SORBS2: variants seen among roughly 807,000 people sequenced by gnomAD.
SORBS2 encodes sorbin and SH3 domain-containing protein 2.
A neutral mutation model predicts 97.7 loss-of-function variants in SORBS2; 46 were observed. That is an observed-to-expected ratio of 0.47 (90% CI 0.37 to 0.60). SORBS2 has a LOEUF of 0.60. SORBS2 is among the 20% of genes least tolerant of loss of function. SORBS2 has a pLI of 0.00. For missense variants in SORBS2, 1,316 were observed against 1,282.3 expected, an observed-to-expected ratio of 1.03 and a Z score of -0.40; for synonymous variants, 476 against 473.4, an observed-to-expected ratio of 1.01 and a Z score of -0.07.
intron 2 of SORBS2, among the ~76,000 whole-genome samples, chr4:185,749,434 C>A (rs549732379): frequency 6.6e-6 from 1 of 151,202 alleles, no homozygotes; most frequent in South Asian, 2.1e-4. Context: ...ATAGAGTCGT[C>A]ATTTTGTATT....
chr4:185,605,736 C>G (rs777307790), intron 12 of SORBS2, among the ~76,000 whole-genome samples: 10 of 152,282 alleles, frequency 6.6e-5, no homozygotes, highest in African/African-American at 1.7e-4. Context: ...AGGCACCCAC[C>G]ACCACGCCTG....
At chr4:185,853,478 G>T (rs1025386447) in intron 1 of SORBS2, among the ~76,000 whole-genome samples, 1 of 152,124 alleles carries the variant, frequency 6.6e-6, no homozygotes, top group African/African-American at 2.4e-5. Flanking sequence ...TCACACGGGG[G>T]CCAATTAGGG....
chr4:185,804,189 C>A (rs1053039251), intron 1 of SORBS2, among the ~76,000 whole-genome samples: 9 of 152,190 alleles, frequency 5.9e-5, no homozygotes, highest in Non-Finnish European at 1.5e-5. Context: ...GATATGTAGA[C>A]CAGATCAGTT....
At chr4:185,789,127 C>T (rs531595896) in intron 1 of SORBS2, among the ~76,000 whole-genome samples, 1 of 152,320 alleles carries the variant, frequency 6.6e-6, no homozygotes, top group African/African-American at 2.4e-5. Flanking sequence ...GTCAGGTCAT[C>T]TTTGTTTGGG....
At chr4:185,863,125 C>A (rs1459876153) in intron 1 of SORBS2, among the ~76,000 whole-genome samples, 5 of 152,160 alleles carry the variant, frequency 3.3e-5, no homozygotes, top group African/African-American at 4.8e-5. Flanking sequence ...ACTAAAGGCA[C>A]GTCCCTCCAC....
At chr4:185,588,577 A>G (rs2095842346) in intron 14 of SORBS2, among the ~76,000 whole-genome samples, 1 of 71,608 alleles carries the variant, frequency 1.4e-5, no homozygotes, top group Non-Finnish European at 3.3e-5. Context: ...TAGGCAAGCC[A>G]TTTTACGTTT....
At chr4:185,735,284 G>C (rs1348610458) in intron 2 of SORBS2, among the ~76,000 whole-genome samples, 1 of 151,914 alleles carries the variant, frequency 6.6e-6, no homozygotes, top group East Asian at 1.9e-4. Context: ...AGCAAGGCAT[G>C]TTTCTGCAGA....
intron 2 of SORBS2, among the ~76,000 whole-genome samples, chr4:185,733,425 C>A (rs1370178777): frequency 6.6e-6 from 1 of 152,176 alleles, no homozygotes; most frequent in African/African-American, 2.4e-5. Flanking sequence ...CCCGAAACAG[C>A]GAACAGTGAC....
rs13135314 is a variant in SORBS2, at chr4:185,620,021, G to C, written c.2304+42C>G. ...TTTTGGCTGGTAAGTGCTGTATCAA[G>C]TGTGTTGCTGTGAAAGACTCCAATG... On this transcript the variant is annotated intron_variant, in intron 8 of 14. Coordinates refer to ENST00000418609, the Ensembl canonical transcript of SORBS2. 5.0e-6 allele frequency: 6 copies of C among 1,191,850 alleles called. No individual in the cohort carries two copies. In the African/African-American group the frequency reaches 9.0e-5, roughly 18 times the overall value. The allele number at this position is 1,191,850 out of a possible 1,614,324, so 73.8% of individuals were successfully genotyped here.
intron 1 of SORBS2, among the ~76,000 whole-genome samples, chr4:185,889,189 C>G (rs537909659): frequency 6.6e-6 from 1 of 152,336 alleles, no homozygotes; most frequent in East Asian, 1.9e-4. Flanking sequence ...GGCGCCTCCT[C>G]TGGAGCCTCT....
intron 1 of SORBS2, among the ~76,000 whole-genome samples, chr4:185,857,551 GA>G (rs1468510579): frequency 6.6e-6 from 1 of 152,168 alleles, no homozygotes; most frequent in Non-Finnish European, 1.5e-5. Context: ...GATTTTCAGG[GA>G]ACAAGGAAAG....
At chr4:185,831,508 G>A (rs2099205124) in intron 1 of SORBS2, among the ~76,000 whole-genome samples, 1 of 152,220 alleles carries the variant, frequency 6.6e-6, no homozygotes, top group Non-Finnish European at 1.5e-5. Context: ...CAAGGAAGAT[G>A]TTAGAATAGG....
chr4:185,807,062 A>G (rs1433451482), intron 1 of SORBS2, among the ~76,000 whole-genome samples: 1 of 152,228 alleles, frequency 6.6e-6, no homozygotes, highest in Non-Finnish European at 1.5e-5. Flanking sequence ...GGGAAGAGAG[A>G]AAAACTGAAT....
intron 2 of SORBS2, among the ~76,000 whole-genome samples, chr4:185,697,646 C>T (rs572157659): frequency 6.0e-4 from 91 of 152,160 alleles, no homozygotes; most frequent in Middle Eastern, 6.8e-3. Context: ...AGCTGATAGC[C>T]GAAAGCGATG....
intron 2 of SORBS2, among the ~76,000 whole-genome samples, chr4:185,737,192 G>A (rs2098692954): frequency 6.6e-6 from 1 of 152,196 alleles, no homozygotes; most frequent in Non-Finnish European, 1.5e-5. Context: ...AAGATAGAAG[G>A]AGAGGTTAAT....
At chr4:185,737,271 C>T (rs576034631) in intron 2 of SORBS2, among the ~76,000 whole-genome samples, 11 of 152,178 alleles carry the variant, frequency 7.2e-5, no homozygotes, top group Non-Finnish European at 7.4e-5. Context: ...AGAAAAGAAC[C>T]GCAGCAGCCC....
intron 1 of SORBS2, among the ~76,000 whole-genome samples, chr4:185,846,265 A>G (rs1469628241): frequency 1.3e-5 from 2 of 152,242 alleles, no homozygotes; most frequent in African/African-American, 4.8e-5. Context: ...ACGCCTCTCA[A>G]ATGCATCATG....
At chr4:185,928,966 C>T (rs1172853479) in intron 1 of SORBS2, among the ~76,000 whole-genome samples, 1 of 152,180 alleles carries the variant, frequency 6.6e-6, no homozygotes, top group Non-Finnish European at 1.5e-5. Flanking sequence ...TAAACACATC[C>T]AAACTCTTAT....
rs2099204839 is a variant in SORBS2 at position 185,831,068 on chromosome 4, GC to G, written c.-337-55703del. 2.0e-5 allele frequency among the ~76,000 whole-genome samples: 3 copies of G among 151,418 alleles called. No homozygotes were observed. In the South Asian group the frequency reaches 6.3e-4, roughly 32 times the overall value. The stretch of plus-strand genomic sequence containing the variant: ...GTTTCAGATTTCACTAGAGAAAGTA[GC>G]CTTTTATCTTCTCAAGGTTTTTCTG... On this transcript the variant is annotated intron_variant, in intron 1 of 20. Transcript: ENST00000284776.
Sources: allele counts gnomAD v4.1 joint callset (sites outside exome capture counted in the v4.1 genomes callset), GRCh38; gene constraint gnomAD v4.1.1; transcripts MANE v1.5; gene names NCBI Gene and HGNC (gene_info 2026-07-23, HGNC 2026-07-21).